Variants in FBLN1 observed in about 807,000 individuals in gnomAD.
The protein encoded by FBLN1 is fibulin 1, also known as fibulin-1.
A neutral mutation model predicts 89.7 loss-of-function variants in FBLN1; 34 were observed. The observed-to-expected ratio is 0.38, with a 90% CI of 0.29 to 0.50. The LOEUF is 0.50. Among genes scored for constraint, FBLN1 ranks in the 20% least tolerant of loss-of-function variants. FBLN1 has a pLI of 0.92. For synonymous variants in FBLN1, 393 were observed against 391.3 expected (o/e 1.00, Z -0.05); for missense variants, 777 against 988.1 (o/e 0.79, Z 2.86).
chr22:45,508,510 C>T (rs2088055342), intron 1 of FBLN1, among the ~76,000 whole-genome samples: 2 of 152,160 alleles, frequency 1.3e-5, no homozygotes, highest in Non-Finnish European at 2.9e-5. Context: ...ATCTGCTCAC[C>T]TTGGCCTCCC....
At chr22:45,582,989 T>C (rs560098056) in intron 16 of FBLN1, among the ~76,000 whole-genome samples, 1 of 152,332 alleles carries the variant, frequency 6.6e-6, no homozygotes, top group African/African-American at 2.4e-5. Flanking sequence ...CAGTTTTGCG[T>C]TGGAATCACC....
chr22:45,542,382 C>A, intron 10 of FBLN1, 99 bp downstream of exon 10: 2 of 1,486,950 alleles, frequency 1.3e-6, no homozygotes, highest in Non-Finnish European at 1.9e-6. Context: ...ATCCTCATCT[C>A]AGATAATCCC....
chr22:45,514,081 C>A (rs1382978460), intron 1 of FBLN1, among the ~76,000 whole-genome samples: 1 of 152,116 alleles, frequency 6.6e-6, no homozygotes, highest in African/African-American at 2.4e-5. Flanking sequence ...CCGTACCTGG[C>A]CAAGCTTGTT....
chr22:45,592,004 C>A (rs923074015), intron 16 of FBLN1, among the ~76,000 whole-genome samples: 1 of 151,282 alleles, frequency 6.6e-6, no homozygotes, highest in African/African-American at 2.4e-5. Flanking sequence ...GAGGAAGTGT[C>A]CTGCGCGCCA....
Position 45,542,171 on chromosome 22 carries a change from G to A in FBLN1, c.1083G>A (p.Ala361=), listed in dbSNP as rs761039345. ...CTTTGCAAGATGTGGACGAGTGCGC[G>A]CCACCTGCTGAGCCCTGTGGGAAGG... is the stretch of plus-strand genomic sequence containing the variant. ...GTRCVDVDEC[A]PPAEPCGKGH... Residue 361 remains alanine (A), a synonymous_variant, in exon 10 of 17, where the codon GCG becomes GCA. Coordinates refer to ENST00000327858, the MANE Select transcript of FBLN1 (RefSeq NM_006486.3). 8.7e-6 allele frequency: 14 copies of A among 1,614,126 alleles called. No homozygotes were observed. Among genetic ancestry groups the A allele is most frequent in the African/African-American group, 6.7e-5 (5 of 75,044 alleles).
In FBLN1 at chr22:45,596,439, G is replaced by T. The variant is rs1012657729; in HGVS notation, c.1973-3868G>T. ...CTTATTTAGCCAGTGCCAGGCACAC[G>T]TAGCATGCGCAGACCCTCTGTGCAT... On this transcript the variant is annotated intron_variant, in intron 16 of 16. Transcript: ENST00000327858. 3.3e-5 allele frequency among the ~76,000 whole-genome samples: 5 copies of T among 152,230 alleles called. No homozygotes were observed. In the East Asian group the frequency reaches 9.6e-4, roughly 29 times the overall value.
intron 8 of FBLN1, among the ~76,000 whole-genome samples, chr22:45,539,783 C>T (rs942338711): frequency 3.3e-5 from 5 of 152,228 alleles, no homozygotes; most frequent in African/African-American, 4.8e-5. Flanking sequence ...CATTGATAGC[C>T]AGGTCTTACC....
At chr22:45,555,248 C>CAT (rs71779159) in intron 14 of FBLN1, among the ~76,000 whole-genome samples, 6,809 of 134,984 alleles carry the variant, frequency 0.05, 336 homozygotes, top group African/African-American at 0.14. Flanking sequence ...ATGGAATATA[C>CAT]ATATATATAT....
rs1447022844 is a variant in FBLN1, at chr22:45,597,248, G to A, written c.1973-3059G>A. On this transcript the variant is annotated intron_variant, in intron 16 of 16. Coordinates refer to ENST00000327858, the MANE Select transcript of FBLN1 (RefSeq NM_006486.3). This position sits in a 1 kb window ranked among gnomAD's most constrained non-coding sequence, Gnocchi z 4.2. ...GAACTCATGGGCTTGTGATCTGCCC[G>A]CCTAAGCCTCCCAAAGTGCTGGGAT... is the stretch of plus-strand genomic sequence containing the variant. Among the ~76,000 whole-genome samples, 1 of 152,114 alleles carries A rather than the reference G, an allele frequency of 6.6e-6. No homozygotes were observed. The highest frequency in any genetic ancestry group is 1.9e-4 in the East Asian group (1 of 5,198).
chr22:45,528,506 G>A lies in FBLN1; in HGVS notation c.484+497G>A, dbSNP rs2088361337. 2.6e-5 allele frequency among the ~76,000 whole-genome samples: 4 copies of A among 152,030 alleles called. No homozygotes were observed. In the South Asian group the frequency reaches 8.3e-4, roughly 32 times the overall value. On this transcript the variant is annotated intron_variant, in intron 4 of 16. Transcript: ENST00000327858. ...ATTACAGGTGTACACTACCACACCT[G>A]GCTAATTTTTGTATTTTTAGTAGGG... is the stretch of plus-strand genomic sequence containing the variant.
chr22:45,587,663 A>C (rs2089099803), intron 16 of FBLN1, among the ~76,000 whole-genome samples: 1 of 152,108 alleles, frequency 6.6e-6, no homozygotes, highest in Non-Finnish European at 1.5e-5. Flanking sequence ...CCGGCTCTGC[A>C]GAGCCGCTTG....
intron 16 of FBLN1, among the ~76,000 whole-genome samples, chr22:45,589,104 T>C (rs1364929623): frequency 6.8e-6 from 1 of 147,706 alleles, no homozygotes; most frequent in Non-Finnish European, 1.5e-5. Flanking sequence ...ATAAAAAATA[T>C]ATAAAAATAT....
intron 1 of FBLN1, chr22:45,517,730 C>A (rs541223890): frequency 2.3e-6 from 1 of 429,880 alleles, no homozygotes; most frequent in Non-Finnish European, 4.8e-6. Flanking sequence ...TCACCAGCCT[C>A]GGTTTCCTCA....
intron 2 of FBLN1, among the ~76,000 whole-genome samples, chr22:45,520,429 T>C (rs975829238): frequency 1.3e-5 from 2 of 152,184 alleles, no homozygotes; most frequent in Non-Finnish European, 2.9e-5. Context: ...CCTCTGTATG[T>C]GTCTGTGTCC....
Position 45,547,138 on chromosome 22 carries a change from G to A in FBLN1, c.1375G>A (p.Gly459Ser), listed in dbSNP as rs374918773. The change falls in exon 12 of 17, where the codon GGC (glycine) becomes AGC (serine). Residue 459 changes from glycine (G) to serine (S), a missense_variant. Transcript: ENST00000327858. The part of the protein sequence containing the change: ...PCSQECANVY[G>S]SYQCYCRRGY... ...TAGCCAGGAGTGTGCCAACGTCTAC[G>A]GCTCCTACCAGTGTTACTGCCGGCG... is the stretch of plus-strand genomic sequence containing the variant. 4.4e-5 allele frequency: 71 copies of A among 1,613,976 alleles called. No individual in the cohort carries two copies. Among genetic ancestry groups the A allele is most frequent in the African/African-American group, 6.7e-5 (5 of 74,912 alleles).
At chr22:45,514,658 A>C (rs1035436020) in intron 1 of FBLN1, among the ~76,000 whole-genome samples, 1 of 152,188 alleles carries the variant, frequency 6.6e-6, no homozygotes, top group East Asian at 1.9e-4. Flanking sequence ...CAGCCTTTGC[A>C]TGTCAAGAGT....
intron 1 of FBLN1, among the ~76,000 whole-genome samples, chr22:45,510,520 G>A (rs2088085183): frequency 6.6e-6 from 1 of 152,098 alleles, no homozygotes; most frequent in South Asian, 2.1e-4. Flanking sequence ...TCTCCCCTCT[G>A]TGACAGTCTG....
At chr22:45,596,047 T>A (rs2089182620) in intron 16 of FBLN1, among the ~76,000 whole-genome samples, 2 of 152,148 alleles carry the variant, frequency 1.3e-5, no homozygotes, top group South Asian at 2.1e-4. Context: ...TTTTTTGTAT[T>A]TTTAGTAGAG....
chr22:45,583,330 G>A lies in FBLN1; in HGVS notation c.1972+6222G>A, dbSNP rs2089058156. Among the ~76,000 whole-genome samples, 1 of 152,144 alleles carries A rather than the reference G, an allele frequency of 6.6e-6. No individual in the cohort carries two copies. Among genetic ancestry groups the A allele is most frequent in the Admixed American group, 6.6e-5 (1 of 15,264 alleles). On this transcript the variant is annotated intron_variant, in intron 16 of 16. Transcript: ENST00000327858. This position sits in a 1 kb window ranked among gnomAD's most constrained non-coding sequence, Gnocchi z 4.5. ...TGGCCGGGGCAAGTCTGGCCAAGCA[G>A]CATGGCAGCGATGAAGTCCACATGA...
Sources: allele counts gnomAD v4.1 joint callset (sites outside exome capture counted in the v4.1 genomes callset), GRCh38; gene constraint gnomAD v4.1.1; non-coding constraint Gnocchi (gnomAD v3.1); transcripts MANE v1.5; gene names NCBI Gene and HGNC (gene_info 2026-07-23, HGNC 2026-07-21).